Variants in ITGB4 observed in about 807,000 individuals in gnomAD.
ITGB4 encodes the protein integrin beta-4.
In ITGB4, 159 loss-of-function variants were observed where a neutral mutation model predicts 207.6. That is an observed-to-expected ratio of 0.77 (90% confidence interval 0.67 to 0.87). ITGB4 has a LOEUF of 0.87. Ranked by LOEUF, ITGB4 falls within the 40% of genes least tolerant of loss-of-function variation. ITGB4 has a pLI of 0.00. For synonymous variants in ITGB4, 1,020 were observed against 1,062.7 expected (o/e 0.96, Z 0.78); for missense variants, 2,278 against 2,546.8 (o/e 0.89, Z 2.27).
chr17:75,754,020 C>A, intron 33 of ITGB4, 46 bp downstream of exon 33: 1 of 907,088 alleles, frequency 1.1e-6, no homozygotes, highest in Non-Finnish European at 1.5e-6. Context: ...CACCCAGCCT[C>A]ACTCGCGCCT....
intron 27 of ITGB4, 47 bp downstream of exon 27, chr17:75,749,092 TG>T (rs558077506): frequency 1.7e-5 from 26 of 1,495,106 alleles, no homozygotes; most frequent in Non-Finnish European, 2.2e-5. Flanking sequence ...GAGGGAAGAC[TG>T]GGGGGTCTCT....
In ITGB4 at chr17:75,740,799, G is replaced by C. The variant is rs144402600; in HGVS notation, c.2557G>C (p.Glu853Gln). ...LRQEVEENLN[E>Q]VYRQISGVHK... ...CCCCTCCCTTGCCTGGCAGCTGAAC[G>C]AGGTCTACAGGCAGATCTCCGGTGT... The change falls in exon 22 of 40, where the codon GAG becomes CAG. Residue 853 changes from glutamate (E) to glutamine (Q), a missense_variant. Glu to Gln is a conservative substitution (Grantham distance 29, BLOSUM62 2). Transcript: ENST00000200181. This position sits in a 1 kb window ranked among gnomAD's most constrained non-coding sequence, Gnocchi z 5.9. 6.2e-7 allele frequency: 1 copy of C among 1,613,228 alleles called. No homozygotes were observed. Among genetic ancestry groups the C allele is most frequent in the South Asian group, 1.1e-5 (1 of 91,028 alleles).
chr17:75,755,588 A>T (rs1486248524), intron 34 of ITGB4, 113 bp from the exon 35 acceptor site: 2 of 1,368,858 alleles, frequency 1.5e-6, no homozygotes, highest in African/African-American at 2.9e-5. Context: ...TTGTCCAGCC[A>T]GCGGTCAGTG....
chr17:75,729,205 C>T lies in ITGB4; in HGVS notation c.567-60C>T. The stretch of plus-strand genomic sequence containing the variant: ...CCTTCTAGTTGAAACGAGCCAGGGG[C>T]ACTGGGGTCTGCGGCGTCTTCCCCC... On this transcript the variant is annotated intron_variant, in intron 6 of 39. Coordinates refer to ENST00000200181, the MANE Select transcript of ITGB4 (RefSeq NM_000213.5). This position sits in a 1 kb window ranked among gnomAD's most constrained non-coding sequence, Gnocchi z 4.4. 5 of 1,514,034 alleles carry T rather than the reference C, an allele frequency of 3.3e-6. No homozygotes were observed. The highest frequency in any genetic ancestry group is 4.6e-6 in the Non-Finnish European group (5 of 1,095,510). 93.8% of individuals were successfully genotyped at this position (1,514,034 alleles called of 1,614,324 possible).
Position 75,727,299 on chromosome 17 carries a change from G to A in ITGB4, c.162+22G>A, listed in dbSNP as rs369324606. The A allele has an allele frequency of 5.0e-6, 8 of 1,613,500 alleles. No homozygotes were observed. The African/African-American group carries it at 9.3e-5, about 19-fold the overall frequency. ...CGAGGTGAGGACCTGGCCCGGGTTGGTGTGGAACAGGCAAGGGTCGGGAAT... is the reference window on the plus strand; with the variant it reads ...CGAGGTGAGGACCTGGCCCGGGTTGATGTGGAACAGGCAAGGGTCGGGAAT... On this transcript the variant is annotated intron_variant, in intron 3 of 39. Transcript: ENST00000200181. The surrounding 1 kb of genome is among the most constrained non-coding windows in gnomAD (Gnocchi z 6.0).
chr17:75,754,858 C>T (rs768320516), intron 34 of ITGB4, 43 bp downstream of exon 34: 4 of 1,613,354 alleles, frequency 2.5e-6, no homozygotes, highest in Non-Finnish European at 3.4e-6. Context: ...CTAACCCTTC[C>T]TCTCTTCCAG....
rs764430708 is a variant in ITGB4, at chr17:75,757,710, G to A, written c.*155G>A. The A allele has an allele frequency of 2.0e-6, 2 of 1,024,480 alleles. No homozygotes were observed. The highest frequency in any genetic ancestry group is 3.0e-6 in the Non-Finnish European group (2 of 675,596). The allele number at this position is 1,024,480 out of a possible 1,614,324, so 63.5% of individuals were successfully genotyped here. On this transcript the variant is annotated 3_prime_UTR_variant, in exon 40 of 40. Coordinates refer to ENST00000200181, the MANE Select transcript of ITGB4 (RefSeq NM_000213.5). ...GGTGTCTCCTGGGAGGCATGAAGGG[G>A]GCAAGGTCCGTCCTCTGTGGGCCCA...
chr17:75,729,190 G>T lies in ITGB4; in HGVS notation c.567-75G>T. 7.5e-5 allele frequency: 99 copies of T among 1,312,984 alleles called. No individual in the cohort carries two copies. The highest frequency in any genetic ancestry group is 9.8e-5 in the Non-Finnish European group (92 of 936,030). The allele number at this position is 1,312,984 out of a possible 1,614,324, so 81.3% of individuals were successfully genotyped here. A position where few individuals can be genotyped will look rare whatever the true frequency, so the allele number is the denominator to read the frequency against. ...AAAAAAAAAAATTCTCCTTCTAGTT[G>T]AAACGAGCCAGGGGCACTGGGGTCT... is the stretch of plus-strand genomic sequence containing the variant. On this transcript the variant is annotated intron_variant, in intron 6 of 39. Coordinates refer to ENST00000200181, the MANE Select transcript of ITGB4 (RefSeq NM_000213.5). This position sits in a 1 kb window ranked among gnomAD's most constrained non-coding sequence, Gnocchi z 4.4.
Position 75,723,299 on chromosome 17 carries a change from A to G in ITGB4, c.-10-1395A>G, listed in dbSNP as rs181588689. Among the ~76,000 whole-genome samples the G allele has an allele frequency of 2.0e-4, 30 of 152,262 alleles. No individual in the cohort carries two copies. The East Asian group carries it at 5.8e-3, about 29-fold the overall frequency. On this transcript the variant is annotated intron_variant, in intron 1 of 39. Transcript: ENST00000200181. ...CTCCTCCGTGAAGCCCTGGGCTCAT[A>G]TGGCAGTCACAGTGTGGGAATCAGC...
chr17:75,742,303 G>T lies in ITGB4; in HGVS notation c.2634-38G>T. The T allele has an allele frequency of 6.2e-7, 1 of 1,612,676 alleles. No individual in the cohort carries two copies. Among genetic ancestry groups the T allele is most frequent in the East Asian group, 2.2e-5 (1 of 44,874 alleles). On this transcript the variant is annotated intron_variant, in intron 23 of 39. Coordinates refer to ENST00000200181, the MANE Select transcript of ITGB4 (RefSeq NM_000213.5). This position sits in a 1 kb window ranked among gnomAD's most constrained non-coding sequence, Gnocchi z 5.9. ...GGGACAGGGCAGCAGGTGCCAGCCT[G>T]ACCCCTCCGCTGCCTGAACCTTCCA... is the stretch of plus-strand genomic sequence containing the variant.
At position 75,743,808 on chromosome 17, in the gene ITGB4, G is replaced by A. The variant is rs768687168; in HGVS notation, c.3058G>A (p.Gly1020Arg). 2.4e-5 allele frequency: 38 copies of A among 1,611,476 alleles called. No individual in the cohort carries two copies. The East Asian group carries it at 2.7e-4, about 11-fold the overall frequency. Residue 1020 changes from glycine to arginine, a missense_variant, in exon 26 of 40, where the codon GGG becomes AGG. Coordinates refer to ENST00000200181, the MANE Select transcript of ITGB4 (RefSeq NM_000213.5). The part of the protein sequence containing the change: ...IPVIRRVLDG[G>R]KSQVSYRTQD... ...TGTCATCCGGCGTGTCCTGGACGGCGGGAAGTCCCAGGTCTCCTACCGCAC... is the reference window on the plus strand; with the variant it reads ...TGTCATCCGGCGTGTCCTGGACGGCAGGAAGTCCCAGGTCTCCTACCGCAC...
Position 75,742,865 on chromosome 17 carries a change from CACTTA to C in ITGB4, c.2962+107_2962+111del. On this transcript the variant is annotated intron_variant, in intron 25 of 39. Coordinates refer to ENST00000200181, the MANE Select transcript of ITGB4 (RefSeq NM_000213.5). This position sits in a 1 kb window ranked among gnomAD's most constrained non-coding sequence, Gnocchi z 5.9. ...ACCTGGCCACGTGGCCTGGGCTAGT[CACTTA>C]ACCTCTGCAAGCCTTGGTTTCTCCA... The C allele has an allele frequency of 9.5e-7, 1 of 1,050,554 alleles. No individual in the cohort carries two copies. Among genetic ancestry groups the C allele is most frequent in the Non-Finnish European group, 1.4e-6 (1 of 724,792 alleles). 65.1% of individuals were successfully genotyped at this position (1,050,554 alleles called of 1,614,324 possible). A position where few individuals can be genotyped will look rare whatever the true frequency, so the allele number is the denominator to read the frequency against.
At position 75,736,356 on chromosome 17, in the gene ITGB4, G is replaced by A. The variant is rs150965180; in HGVS notation, c.1830G>A (p.Thr610=). ...ACTGCCACCAGCAGTCGCTCTACAC[G>A]GACACCATCTGCGAGATCAACTACT... ...RCHCHQQSLY[T]DTICEINYSA... is the part of the protein sequence containing the mutation. The change falls in exon 15 of 40, where the codon ACG becomes ACA. Residue 610 remains threonine, a synonymous_variant. Transcript: ENST00000200181. 3.0e-5 allele frequency: 49 copies of A among 1,614,176 alleles called. No individual in the cohort carries two copies. The highest frequency in any genetic ancestry group is 2.6e-4 in the South Asian group (24 of 91,084).
At chr17:75,754,363 C>T (rs1237928793) in intron 33 of ITGB4, 6 of 620,740 alleles carry the variant, frequency 9.7e-6, no homozygotes, top group Middle Eastern at 4.3e-4. Context: ...ATAGAGTGGC[C>T]GGCCAGAGGA....
rs1351054597 is a variant in ITGB4 at position 75,754,946 on chromosome 17, GCA to G, written c.4558+137_4558+138del. 16 of 1,404,686 alleles carry G rather than the reference GCA, an allele frequency of 1.1e-5. No homozygotes were observed. In the East Asian group the frequency reaches 1.5e-4, roughly 13 times the overall value. 87.0% of individuals were successfully genotyped at this position (1,404,686 alleles called of 1,614,324 possible). A position where few individuals can be genotyped will look rare whatever the true frequency, so the allele number is the denominator to read the frequency against. ...TACACACACGCATGCACACATGCAC[GCA>G]CACACGTGCACACGCATGCACACAT... is the stretch of plus-strand genomic sequence containing the variant. On this transcript the variant is annotated intron_variant, in intron 34 of 39. Coordinates refer to ENST00000200181, the MANE Select transcript of ITGB4 (RefSeq NM_000213.5).
Position 75,754,673 on chromosome 17 carries a change from C to T in ITGB4, c.4416C>T (p.His1472=). 1.2e-6 allele frequency: 2 copies of T among 1,614,126 alleles called. No individual in the cohort carries two copies. The highest frequency in any genetic ancestry group is 1.7e-6 in the Non-Finnish European group (2 of 1,180,012). ...CCAGTGCTGCTGCCTATGGCACCCA[C>T]CTGAGCCCACACGTGCCCCACCGCG... ...TTTSAAAYGT[H]LSPHVPHRVL... Residue 1472 remains histidine (H), a synonymous_variant, in exon 34 of 40, where the codon CAC becomes CAT. Coordinates refer to ENST00000200181, the MANE Select transcript of ITGB4 (RefSeq NM_000213.5).
In ITGB4 at chr17:75,748,949, C is replaced by T. The variant is rs779939947; in HGVS notation, c.3220C>T (p.Arg1074Cys). The change falls in exon 27 of 40, where the codon CGC (arginine) becomes TGC (cysteine). Residue 1074 changes from arginine to cysteine, a missense_variant. Coordinates refer to ENST00000200181, the MANE Select transcript of ITGB4 (RefSeq NM_000213.5). ...LQEVDSLLRG[R>C]QVRRFHVQLS... Reference sequence around the variant, plus strand: ...AGAAGTTGACTCCCTCCTGCGGGGCCGCCAGGTCCGCCGTTTCCACGTCCA... The same window carrying T: ...AGAAGTTGACTCCCTCCTGCGGGGCTGCCAGGTCCGCCGTTTCCACGTCCA... The T allele has an allele frequency of 4.6e-5, 74 of 1,613,240 alleles. No homozygotes were observed. Among genetic ancestry groups the T allele is most frequent in the Middle Eastern group, 1.6e-4 (1 of 6,082 alleles).
chr17:75,724,129 C>T (rs941511736), intron 1 of ITGB4, among the ~76,000 whole-genome samples: 4 of 152,186 alleles, frequency 2.6e-5, no homozygotes, highest in Non-Finnish European at 5.9e-5. Flanking sequence ...CCTGATGGGC[C>T]GGGCAGTCAC....
In ITGB4 at chr17:75,742,098, G is replaced by A. The variant is rs1428719139; in HGVS notation, c.2634-243G>A. Among the ~76,000 whole-genome samples, 1 of 152,260 alleles carries A rather than the reference G, an allele frequency of 6.6e-6. No individual in the cohort carries two copies. Among genetic ancestry groups the A allele is most frequent in the Non-Finnish European group, 1.5e-5 (1 of 68,044 alleles). On this transcript the variant is annotated intron_variant, in intron 23 of 39. Transcript: ENST00000200181. The surrounding 1 kb of genome is among the most constrained non-coding windows in gnomAD (Gnocchi z 5.9). The stretch of plus-strand genomic sequence containing the variant: ...TTGCTGTCCAGCCCTTGATGAGGTG[G>A]GCAGAGAAGCCCATTTCACAGAGGA...
Sources: gnomAD v4.1 joint callset for allele counts (sites outside exome capture counted in the v4.1 genomes callset) on GRCh38, gnomAD v4.1.1 for gene constraint, Gnocchi (gnomAD v3.1) non-coding constraint, MANE v1.5 for transcripts, NCBI Gene and HGNC (gene_info 2026-07-23, HGNC 2026-07-21) for gene names.